ABCD3: variants seen among roughly 807,000 people sequenced by gnomAD.
The protein encoded by ABCD3 is ATP-binding cassette sub-family D member 3.
Under a neutral mutation model 105.5 loss-of-function variants are expected in ABCD3, and 41 were observed. That is an observed-to-expected ratio of 0.39 (90% CI 0.30 to 0.50). The LOEUF (loss-of-function observed/expected upper bound fraction) is 0.50. Ranked by LOEUF, ABCD3 falls within the 20% of genes least tolerant of loss-of-function variation. The pLI, the probability that ABCD3 is intolerant of heterozygous loss-of-function variation, is 0.84. For missense variants in ABCD3, 622 were observed against 806.3 expected (o/e 0.77, Z 2.77); for synonymous variants, 258 against 269.0 (o/e 0.96, Z 0.40).
chr1:94,491,100 A>G (rs780067399), intron 15 of ABCD3, 84 bp from the exon 16 acceptor site: 8 of 952,456 alleles, frequency 8.4e-6, no homozygotes, highest in Non-Finnish European at 1.3e-5. Context: ...TTTTTTAATC[A>G]GGTTATTTGT....
In ABCD3 at chr1:94,510,777, T is replaced by C. The variant is rs186523136; in HGVS notation, c.1845+4135T>C. 5.4e-3 allele frequency among the ~76,000 whole-genome samples: 817 copies of C among 152,272 alleles called. 10 individuals carry two copies. Among genetic ancestry groups the C allele is most frequent in the African/African-American group, 0.019 (770 of 41,560 alleles). On this transcript the variant is annotated intron_variant, in intron 21 of 22. Coordinates refer to ENST00000370214, the MANE Select transcript of ABCD3 (RefSeq NM_002858.4). ...CTTTGTCTCTTTTGATCTTTGTTGGTTTAAAGTCTGTTTTATCAGAGGCTA... is the reference window on the plus strand; with the variant it reads ...CTTTGTCTCTTTTGATCTTTGTTGGCTTAAAGTCTGTTTTATCAGAGGCTA...
At chr1:94,483,313 A>G (rs1330854981) in intron 10 of ABCD3, 74 bp downstream of exon 10, 8 of 1,001,072 alleles carry the variant, frequency 8.0e-6, no homozygotes, top group Non-Finnish European at 1.3e-5. Flanking sequence ...CCTATGGCCG[A>G]CACACATACA....
chr1:94,400,029 G>T, the ABCD3 span, among the ~76,000 whole-genome samples: 1 of 152,178 alleles, frequency 6.6e-6, no homozygotes, highest in Admixed American at 6.5e-5. Context: ...TACAGAGCAA[G>T]ACCCTGTCTC....
At chr1:94,509,932 A>G (rs1350733394) in intron 21 of ABCD3, among the ~76,000 whole-genome samples, 4 of 152,072 alleles carry the variant, frequency 2.6e-5, no homozygotes, top group Admixed American at 6.5e-5. Flanking sequence ...GATCCTTTCA[A>G]AAAACCAGCT....
intron 1 of ABCD3, among the ~76,000 whole-genome samples, chr1:94,427,255 T>C (rs1365878445): frequency 6.6e-6 from 1 of 152,078 alleles, no homozygotes; most frequent in Non-Finnish European, 1.5e-5. Context: ...GGTGTGAAGG[T>C]AGACCCTAGA....
At chr1:94,505,354 A>C (rs1570833377) in intron 20 of ABCD3, among the ~76,000 whole-genome samples, 2 of 146,378 alleles carry the variant, frequency 1.4e-5, no homozygotes, top group Non-Finnish European at 3.0e-5. Flanking sequence ...ACAGATGAAC[A>C]CCACCATGCT....
At position 94,479,857 on chromosome 1, in the gene ABCD3, A is replaced by G. The variant is rs118170197; in HGVS notation, c.685-607A>G. Among the ~76,000 whole-genome samples the G allele has an allele frequency of 2.1e-4, 32 of 152,204 alleles. No homozygotes were observed. In the East Asian group the frequency reaches 5.0e-3, roughly 24 times the overall value. On this transcript the variant is annotated intron_variant, in intron 8 of 22. Coordinates refer to ENST00000370214, the MANE Select transcript of ABCD3 (RefSeq NM_002858.4). Reference sequence around the variant, plus strand: ...CTTTCTTTTTCTCTTGGGATGGTCAATGGGTGATGAGGTCACGTACAAAGT... The same window carrying G: ...CTTTCTTTTTCTCTTGGGATGGTCAGTGGGTGATGAGGTCACGTACAAAGT...
At chr1:94,438,287 CACACACACACACAT>C (rs1353454341) in intron 1 of ABCD3, among the ~76,000 whole-genome samples, 4 of 130,936 alleles carry the variant, frequency 3.1e-5, no homozygotes, top group Non-Finnish European at 4.7e-5. Context: ...CTCCATCACA[CACACACACACACAT>C]ACACACACAC....
chr1:94,414,824 T>C (rs1658969985), upstream of ABCD3, among the ~76,000 whole-genome samples: 2 of 152,236 alleles, frequency 1.3e-5, no homozygotes, highest in South Asian at 2.1e-4. Context: ...TCACAGTGTC[T>C]GCATAATAAA....
rs368359599 is a variant in ABCD3, at chr1:94,513,866, T to C, written c.1846-1280T>C. The C allele has an allele frequency of 1.3e-4, 20 of 152,158 alleles. No individual in the cohort carries two copies. The South Asian group carries it at 1.7e-3, about 13-fold the overall frequency. 9.4% of individuals were successfully genotyped at this position (152,158 alleles called of 1,614,324 possible). ...AAGTGTGGTATGGTTGAAATATATG[T>C]TTTATTAATACTGATAATATGCTTA... On this transcript the variant is annotated intron_variant, in intron 21 of 22. Coordinates refer to ENST00000370214, the MANE Select transcript of ABCD3 (RefSeq NM_002858.4).
In ABCD3 at chr1:94,464,813, GTTTTTC is replaced by G; in HGVS notation, c.188_193del (p.Phe63_Phe64del). On this transcript the variant is annotated inframe_deletion, in exon 3 of 23. Coordinates refer to ENST00000370214, the MANE Select transcript of ABCD3 (RefSeq NM_002858.4). ...AGGAGCGAGCTGTGGTGGACAAGGT[GTTTTTC>G]TCAAGGCTCATACAGATTCTGAAAA... The G allele has an allele frequency of 6.2e-7, 1 of 1,613,676 alleles. No homozygotes were observed. The highest frequency in any genetic ancestry group is 8.5e-7 in the Non-Finnish European group (1 of 1,179,894).
chr1:94,416,925 T>C (rs755254477), upstream of ABCD3, among the ~76,000 whole-genome samples: 4 of 152,368 alleles, frequency 2.6e-5, no homozygotes, highest in East Asian at 5.8e-4. Context: ...CATTAGATTA[T>C]ACCATTTTTG....
chr1:94,446,127 GA>G (rs1660337523), intron 1 of ABCD3, among the ~76,000 whole-genome samples: 1 of 152,220 alleles, frequency 6.6e-6, no homozygotes, highest in African/African-American at 2.4e-5. Context: ...TCCAAAATGT[GA>G]AAAAGGAAAA....
At chr1:94,389,494 T>C in the ABCD3 span, among the ~76,000 whole-genome samples, 2 of 152,224 alleles carry the variant, frequency 1.3e-5, no homozygotes, top group African/African-American at 2.4e-5. Flanking sequence ...CTGCTGCAGA[T>C]AACTAGCCAG....
chr1:94,480,059 G>C (rs1648964098), intron 8 of ABCD3, among the ~76,000 whole-genome samples: 1 of 151,216 alleles, frequency 6.6e-6, no homozygotes, highest in South Asian at 2.1e-4. Context: ...GATGAGAAGA[G>C]AACTAAGGAA....
chr1:94,440,470 T>A (rs190071658), intron 1 of ABCD3, among the ~76,000 whole-genome samples: 1 of 152,152 alleles, frequency 6.6e-6, no homozygotes, highest in African/African-American at 2.4e-5. Flanking sequence ...TAATTTTGAG[T>A]CTTCAAGGGT....
chr1:94,482,980 C>T (rs1283236021), intron 9 of ABCD3, 190 bp from the exon 10 acceptor site: 1 of 593,708 alleles, frequency 1.7e-6, no homozygotes, highest in Non-Finnish European at 3.0e-6. Flanking sequence ...GGAGTGTATT[C>T]CTGTGCTCCG....
At chr1:94,409,521 T>C in the ABCD3 span, among the ~76,000 whole-genome samples, 1 of 152,252 alleles carries the variant, frequency 6.6e-6, no homozygotes, top group Non-Finnish European at 1.5e-5. Context: ...CATTGTATTG[T>C]AACCCAATTT....
intron 1 of ABCD3, among the ~76,000 whole-genome samples, chr1:94,445,684 A>G (rs1342366801): frequency 6.6e-6 from 1 of 152,174 alleles, no homozygotes; most frequent in Non-Finnish European, 1.5e-5. Context: ...TAGTTGCCCC[A>G]GTGACTGTTC....
Sources: allele counts gnomAD v4.1 joint callset (sites outside exome capture counted in the v4.1 genomes callset), GRCh38; gene constraint gnomAD v4.1.1; transcripts MANE v1.5; gene names NCBI Gene and HGNC (gene_info 2026-07-23, HGNC 2026-07-21).